The following ACSS3 variants were observed in gnomAD, a reference collection of about 807,000 sequenced individuals.
The protein encoded by ACSS3 is acyl-CoA synthetase short chain family member 3, also known as acyl-CoA synthetase short-chain family member 3, mitochondrial.
ACSS3 carries 64 observed loss-of-function variants against 84.2 expected under a neutral mutation model. The ratio of observed to expected loss-of-function variants is 0.76; its 90% CI spans 0.62 to 0.94. The LOEUF (loss-of-function observed/expected upper bound fraction) is 0.94, where lower values mean the gene tolerates loss of function less well. Ranked by LOEUF, ACSS3 falls within the 40% of genes least tolerant of loss-of-function variation. ACSS3 has a pLI of 0.00. For missense variants in ACSS3, 815 were observed against 867.6 expected, an observed-to-expected ratio of 0.94 and a Z score of 0.76; for synonymous variants, 317 against 310.1, an observed-to-expected ratio of 1.02 and a Z score of -0.23.
chr12:81,229,320 C>T (rs1272768484), intron 11 of ACSS3, among the ~76,000 whole-genome samples: 2 of 151,854 alleles, frequency 1.3e-5, no homozygotes, highest in Non-Finnish European at 2.9e-5. Flanking sequence ...CAATTTGCTT[C>T]ACTCACTAAT....
At chr12:81,217,906 TC>T (rs2032979413) in intron 10 of ACSS3, among the ~76,000 whole-genome samples, 1 of 152,056 alleles carries the variant, frequency 6.6e-6, no homozygotes, top group Non-Finnish European at 1.5e-5. Flanking sequence ...AGAAAACATT[TC>T]TTTGATGCTG....
At chr12:81,168,221 A>T (rs180852691) in intron 7 of ACSS3, among the ~76,000 whole-genome samples, 1 of 152,278 alleles carries the variant, frequency 6.6e-6, no homozygotes, top group Admixed American at 6.5e-5. Context: ...AAATGAAGGG[A>T]TGTTATGGTC....
intron 9 of ACSS3, among the ~76,000 whole-genome samples, chr12:81,215,067 GAT>G (rs1465633681): frequency 2.6e-5 from 4 of 152,100 alleles, no homozygotes; most frequent in Admixed American, 2.6e-4. Context: ...CATTTCGAAG[GAT>G]AGCTGAGGTG....
intron 7 of ACSS3, among the ~76,000 whole-genome samples, chr12:81,172,653 A>G (rs1370017337): frequency 6.6e-6 from 1 of 152,128 alleles, no homozygotes; most frequent in Non-Finnish European, 1.5e-5. Context: ...ACCAAAACAA[A>G]GCAAAAAAAT....
chr12:81,131,250 C>A (rs901113871), intron 2 of ACSS3, among the ~76,000 whole-genome samples: 1 of 152,056 alleles, frequency 6.6e-6, no homozygotes, highest in Non-Finnish European at 1.5e-5. Flanking sequence ...TAATTCTTCC[C>A]ATCCATGAGC....
chr12:81,239,250 A>G (rs1251346100), intron 13 of ACSS3, among the ~76,000 whole-genome samples: 2 of 151,890 alleles, frequency 1.3e-5, no homozygotes, highest in African/African-American at 4.8e-5. Flanking sequence ...TTAAAATTTT[A>G]AGGTGTGTTT....
At chr12:81,219,597 A>G (rs1204998962) in intron 10 of ACSS3, among the ~76,000 whole-genome samples, 1 of 152,100 alleles carries the variant, frequency 6.6e-6, no homozygotes, top group African/African-American at 2.4e-5. Flanking sequence ...AAATCAGAAT[A>G]AGGGGTTTTT....
chr12:81,109,674 A>T lies in ACSS3; in HGVS notation c.426A>T (p.Ala142=), dbSNP rs749059659. The T allele has an allele frequency of 6.2e-7, 1 of 1,606,658 alleles. No individual in the cohort carries two copies. The highest frequency in any genetic ancestry group is 1.1e-5 in the South Asian group (1 of 88,840). Residue 142 remains alanine (A), a synonymous_variant, in exon 2 of 16, where the codon GCA becomes GCT. Transcript: ENST00000548058. ...IYDSPVTNTK[A]TFTYKEVLEQ... ...ACAGTCCTGTTACAAACACTAAAGC[A>T]ACCTTTACCTATAAAGAAGTTCTGG...
intron 1 of ACSS3, among the ~76,000 whole-genome samples, chr12:81,090,941 G>C (rs1012052755): frequency 2.1e-4 from 32 of 151,926 alleles, no homozygotes; most frequent in Non-Finnish European, 8.8e-5. Context: ...CTATGCACAT[G>C]CTCCCATATA....
intron 2 of ACSS3, among the ~76,000 whole-genome samples, chr12:81,122,873 G>A (rs1206026462): frequency 6.6e-6 from 1 of 152,090 alleles, no homozygotes; most frequent in African/African-American, 2.4e-5. Context: ...ACTCTAGGAA[G>A]CGTACAGAAA....
chr12:81,205,371 T>C (rs1471694994), intron 9 of ACSS3, among the ~76,000 whole-genome samples: 2 of 152,126 alleles, frequency 1.3e-5, no homozygotes, highest in African/African-American at 4.8e-5. Flanking sequence ...ACTACAAAAG[T>C]TGACGAGGTT....
chr12:81,187,673 T>A (rs567084506), intron 8 of ACSS3, among the ~76,000 whole-genome samples: 18 of 151,822 alleles, frequency 1.2e-4, no homozygotes, highest in Non-Finnish European at 1.9e-4. Context: ...ATAAAAAAAA[T>A]TATAGTTTAT....
intron 4 of ACSS3, among the ~76,000 whole-genome samples, chr12:81,141,540 A>G (rs1397377344): frequency 6.6e-6 from 1 of 152,216 alleles, no homozygotes; most frequent in Non-Finnish European, 1.5e-5. Flanking sequence ...AAGTAAATGC[A>G]TATATGTGAA....
chr12:81,153,631 C>A (rs550722704), intron 7 of ACSS3, among the ~76,000 whole-genome samples: 1 of 152,154 alleles, frequency 6.6e-6, no homozygotes, highest in Non-Finnish European at 1.5e-5. Flanking sequence ...ATATAAGGCT[C>A]TCTCTCACAT....
intron 2 of ACSS3, among the ~76,000 whole-genome samples, chr12:81,110,673 C>T (rs780298609): frequency 1.2e-4 from 18 of 152,192 alleles, no homozygotes; most frequent in South Asian, 6.2e-4. Context: ...TAGCAGTATC[C>T]CTGCCTCCAC....
intron 11 of ACSS3, among the ~76,000 whole-genome samples, chr12:81,221,988 C>A (rs999141179): frequency 6.6e-6 from 1 of 152,014 alleles, no homozygotes; most frequent in East Asian, 1.9e-4. Flanking sequence ...GGCTGCTTCA[C>A]CCCACATCCA....
intron 7 of ACSS3, among the ~76,000 whole-genome samples, chr12:81,156,170 G>A (rs928648789): frequency 2.0e-5 from 3 of 148,298 alleles, no homozygotes; most frequent in African/African-American, 7.4e-5. Flanking sequence ...AGGTCAAATA[G>A]GAAATATCCA....
intron 1 of ACSS3, among the ~76,000 whole-genome samples, chr12:81,082,747 A>C (rs1257234653): frequency 6.6e-6 from 1 of 152,154 alleles, no homozygotes; most frequent in Non-Finnish European, 1.5e-5. Context: ...CTTCTTCTTC[A>C]CTGGGTCAAT....
At chr12:81,206,587 G>A (rs762716101) in intron 9 of ACSS3, among the ~76,000 whole-genome samples, 6 of 152,054 alleles carry the variant, frequency 3.9e-5, no homozygotes, top group African/African-American at 1.4e-4. Flanking sequence ...TCTCAGCAAC[G>A]TGTAACTAGA....
Sources: allele counts gnomAD v4.1 joint callset (sites outside exome capture counted in the v4.1 genomes callset), GRCh38; gene constraint gnomAD v4.1.1; transcripts MANE v1.5; gene names NCBI Gene and HGNC (gene_info 2026-07-23, HGNC 2026-07-21).